Variants in SHISA9 observed in about 807,000 individuals in gnomAD.
SHISA9 encodes the protein protein shisa-9.
SHISA9 carries 13 observed loss-of-function variants against 38.0 expected under a neutral mutation model. That is an observed-to-expected ratio of 0.34 (90% CI 0.22 to 0.54). SHISA9 has a LOEUF of 0.54. SHISA9 is among the 20% of genes least tolerant of loss of function. The pLI is 0.91. For missense variants in SHISA9, 538 were observed against 575.8 expected (o/e 0.93, Z 0.67); for synonymous variants, 275 against 242.0 (o/e 1.14, Z -1.27).
intron 2 of SHISA9, among the ~76,000 whole-genome samples, chr16:12,922,983 C>G (rs1035655910): frequency 6.6e-6 from 1 of 152,042 alleles, no homozygotes; most frequent in Non-Finnish European, 1.5e-5. Context: ...ATGGCAGCAG[C>G]TCTATACATT....
chr16:13,069,297 G>A (rs528142683), intron 2 of SHISA9, among the ~76,000 whole-genome samples: 17 of 151,764 alleles, frequency 1.1e-4, no homozygotes, highest in East Asian at 1.9e-4. Context: ...CAATGTATGC[G>A]TGTGTATATG....
chr16:13,362,880 C>T, the SHISA9 span, among the ~76,000 whole-genome samples: 1 of 152,022 alleles, frequency 6.6e-6, no homozygotes, highest in Non-Finnish European at 1.5e-5. Context: ...TCTTTAATCC[C>T]CAAGTGACTT....
the SHISA9 span, among the ~76,000 whole-genome samples, chr16:13,298,931 A>C: frequency 6.6e-6 from 1 of 152,182 alleles, no homozygotes; most frequent in Non-Finnish European, 1.5e-5. Context: ...GCTCAAGGGC[A>C]GAGTGGGAAG....
At chr16:13,062,884 C>CCCTGGTACCCTGAT (rs1465667162) in intron 2 of SHISA9, among the ~76,000 whole-genome samples, 5 of 152,344 alleles carry the variant, frequency 3.3e-5, no homozygotes, top group Admixed American at 2.0e-4. Context: ...ACCAGCCTCA[C>CCCTGGTACCCTGAT]CCTGGTACCC....
intron 2 of SHISA9, among the ~76,000 whole-genome samples, chr16:13,046,032 T>C (rs989606096): frequency 5.3e-5 from 8 of 152,232 alleles, no homozygotes; most frequent in African/African-American, 1.9e-4. Flanking sequence ...CCATTAATTT[T>C]CTCCAAATGC....
intron 2 of SHISA9, among the ~76,000 whole-genome samples, chr16:13,140,301 T>C (rs2050391139): frequency 6.6e-6 from 1 of 151,744 alleles, no homozygotes; most frequent in African/African-American, 2.4e-5. Flanking sequence ...CTCAGCCTCC[T>C]GAGTAGCTAG....
chr16:12,911,061 C>G (rs1479292042), intron 1 of SHISA9: 1 of 174,022 alleles, frequency 5.7e-6, no homozygotes, highest in African/African-American at 2.4e-5. Context: ...AATATCTGGG[C>G]ACCCTGTGAC....
chr16:13,302,165 A>C, the SHISA9 span, among the ~76,000 whole-genome samples: 2 of 152,174 alleles, frequency 1.3e-5, no homozygotes, highest in Non-Finnish European at 2.9e-5. Flanking sequence ...TGGTGGTTAA[A>C]GGGAAACTTG....
the SHISA9 span, among the ~76,000 whole-genome samples, chr16:13,323,442 G>T: frequency 6.6e-6 from 1 of 152,162 alleles, no homozygotes. Flanking sequence ...TTGGATGTTT[G>T]TCCCCCTTCA....
the SHISA9 span, among the ~76,000 whole-genome samples, chr16:13,539,933 T>TG: frequency 5.9e-5 from 1 of 17,022 alleles, no homozygotes; most frequent in Non-Finnish European, 1.4e-4. Context: ...GATCCTACTC[T>TG]TTTTTATGGC....
At chr16:13,439,742 C>T in the SHISA9 span, among the ~76,000 whole-genome samples, 1 of 152,186 alleles carries the variant, frequency 6.6e-6, no homozygotes, top group Non-Finnish European at 1.5e-5. Flanking sequence ...TGGCCTCCCC[C>T]TCATTAAATG....
chr16:13,471,056 C>G, the SHISA9 span, among the ~76,000 whole-genome samples: 1 of 151,698 alleles, frequency 6.6e-6, no homozygotes, highest in African/African-American at 2.4e-5. Context: ...TGCTGGAACC[C>G]TAAAGATCCA....
chr16:13,497,608 C>T, the SHISA9 span, among the ~76,000 whole-genome samples: 1 of 151,042 alleles, frequency 6.6e-6, no homozygotes, highest in Admixed American at 6.6e-5. Flanking sequence ...TTGCTTGAAC[C>T]CGGCAGGTGG....
the SHISA9 span, among the ~76,000 whole-genome samples, chr16:13,418,349 A>G: frequency 6.6e-6 from 1 of 152,198 alleles, no homozygotes; most frequent in East Asian, 1.9e-4. Context: ...ATGTTCCACA[A>G]TGTCTAGGGT....
At chr16:13,374,424 T>G in the SHISA9 span, among the ~76,000 whole-genome samples, 4 of 152,236 alleles carry the variant, frequency 2.6e-5, no homozygotes, top group African/African-American at 9.6e-5. Context: ...TGTTTGTTTT[T>G]CTGTCCTTGC....
chr16:13,290,047 C>T, the SHISA9 span, among the ~76,000 whole-genome samples: 200 of 152,132 alleles, frequency 1.3e-3, no homozygotes, highest in Non-Finnish European at 2.3e-3. Flanking sequence ...CTATTCTATG[C>T]CCTGGAGATT....
chr16:13,428,844 C>A, the SHISA9 span, among the ~76,000 whole-genome samples: 1 of 150,348 alleles, frequency 6.7e-6, no homozygotes, highest in Non-Finnish European at 1.5e-5. Context: ...TCACTCACTA[C>A]AACCTCCGCC....
chr16:13,043,758 T>C (rs1027795423), intron 2 of SHISA9, among the ~76,000 whole-genome samples: 6 of 144,176 alleles, frequency 4.2e-5, no homozygotes, highest in African/African-American at 1.7e-4. Context: ...AATGCCTTAA[T>C]AGCTTAGATT....
chr16:13,067,913 C>T (rs552185942), intron 2 of SHISA9, among the ~76,000 whole-genome samples: 2 of 152,340 alleles, frequency 1.3e-5, no homozygotes, highest in East Asian at 3.9e-4. Flanking sequence ...CTTGAGATGT[C>T]ACTTCCTCAA....
Sources: gnomAD v4.1 joint callset for allele counts (sites outside exome capture counted in the v4.1 genomes callset) on GRCh38, gnomAD v4.1.1 for gene constraint, MANE v1.5 for transcripts, NCBI Gene and HGNC (gene_info 2026-07-23, HGNC 2026-07-21) for gene names.